The following GLT8D2 variants were observed in gnomAD, a reference collection of about 807,000 sequenced individuals.
GLT8D2 encodes glycosyltransferase 8 domain containing 2, also known as glycosyltransferase 8 domain-containing protein 2.
In GLT8D2, 45 loss-of-function variants were observed where a neutral mutation model predicts 44.5. The observed-to-expected ratio is 1.01, with a 90% confidence interval of 0.80 to 1.30. The LOEUF (loss-of-function observed/expected upper bound fraction) is 1.30, where lower values mean the gene tolerates loss of function less well. GLT8D2 is among the 50% of genes most tolerant of loss of function. The probability of loss-of-function intolerance (pLI) is 0.00; values close to 1 mark genes in which losing one functional copy is unlikely to be tolerated. For synonymous variants in GLT8D2, 156 were observed against 157.2 expected (o/e 0.99, Z 0.06); for missense variants, 400 against 430.4 (o/e 0.93, Z 0.62).
intron 1 of GLT8D2, among the ~76,000 whole-genome samples, chr12:104,057,183 T>G (rs1286787148): frequency 6.6e-6 from 1 of 152,182 alleles, no homozygotes; most frequent in East Asian, 1.9e-4. Flanking sequence ...GGGCAAAAAA[T>G]TCACATTAAA....
chr12:104,042,923 G>A (rs1354792477), intron 1 of GLT8D2, among the ~76,000 whole-genome samples: 3 of 152,212 alleles, frequency 2.0e-5, no homozygotes. Flanking sequence ...CAGAGATCTG[G>A]AACCAAGAGA....
intron 4 of GLT8D2, among the ~76,000 whole-genome samples, chr12:104,009,702 T>A (rs762238579): frequency 2.2e-4 from 33 of 152,208 alleles, no homozygotes; most frequent in African/African-American, 6.3e-4. Context: ...TACTCCCATA[T>A]TTCCCACATG....
At chr12:104,024,359 G>A (rs1377595068) in intron 1 of GLT8D2, among the ~76,000 whole-genome samples, 2 of 152,172 alleles carry the variant, frequency 1.3e-5, no homozygotes, top group Admixed American at 1.3e-4. Context: ...GTTTGAGCCT[G>A]GAGGTCGAGG....
chr12:104,047,013 G>C (rs931025634), intron 1 of GLT8D2, among the ~76,000 whole-genome samples: 17 of 151,902 alleles, frequency 1.1e-4, no homozygotes, highest in Middle Eastern at 6.4e-3. Flanking sequence ...TTTTTTTGTA[G>C]AGACAGAGTC....
intron 1 of GLT8D2, among the ~76,000 whole-genome samples, chr12:104,032,521 TAAAG>T (rs1475188191): frequency 1.6e-5 from 2 of 125,992 alleles, no homozygotes; most frequent in African/African-American, 6.5e-5. Context: ...GACATTTCTC[TAAAG>T]AAAGCACACA....
chr12:103,990,789 T>C (rs1872659102), intron 10 of GLT8D2, among the ~76,000 whole-genome samples: 1 of 152,184 alleles, frequency 6.6e-6, no homozygotes. Flanking sequence ...AAAGGAAATA[T>C]TCATTTGGGA....
At chr12:104,045,430 A>T (rs1290534296) in intron 1 of GLT8D2, among the ~76,000 whole-genome samples, 1 of 152,144 alleles carries the variant, frequency 6.6e-6, no homozygotes, top group African/African-American at 2.4e-5. Context: ...ACAGACAGAG[A>T]GGTGGAGCTG....
chr12:104,003,614 ACC>A (rs549546260), intron 4 of GLT8D2, among the ~76,000 whole-genome samples: 24 of 152,024 alleles, frequency 1.6e-4, no homozygotes, highest in African/African-American at 5.8e-4. Flanking sequence ...ATGCTCACTC[ACC>A]CCCTTGCCTT....
intron 4 of GLT8D2, among the ~76,000 whole-genome samples, chr12:104,007,744 C>G (rs1244905885): frequency 6.6e-6 from 1 of 152,132 alleles, no homozygotes; most frequent in Non-Finnish European, 1.5e-5. Flanking sequence ...GTGTCCTCAC[C>G]AAAATCTCAT....
rs1190042838 is a variant in GLT8D2, at chr12:104,016,758, AGAAAGAAAGAAAGAAAGAAGGAAG to A, written c.20-1677_20-1654del. Among the ~76,000 whole-genome samples, 882 of 99,612 alleles carry A rather than the reference AGAAAGAAAGAAAGAAAGAAGGAAG, an allele frequency of 8.9e-3. 15 individuals are homozygous for A. Among genetic ancestry groups the A allele is most frequent in the South Asian group, 0.023 (66 of 2,810 alleles). 65.3% of individuals were successfully genotyped at this position (99,612 alleles called of 152,430 possible). On this transcript the variant is annotated intron_variant, in intron 3 of 10. Transcript: ENST00000360814. The stretch of plus-strand genomic sequence containing the variant: ...AAGAAAGAAAGAAAGAAAGAAAGAA[AGAAAGAAAGAAAGAAAGAAGGAAG>A]GAAGGAAGGAAGGAAGGAAGGAAGG...
chr12:103,995,208 T>G (rs965727969), intron 8 of GLT8D2, among the ~76,000 whole-genome samples: 8 of 152,280 alleles, frequency 5.3e-5, no homozygotes, highest in African/African-American at 9.6e-5. Context: ...CCACTCTGTC[T>G]CTAGGTCACT....
upstream of GLT8D2, among the ~76,000 whole-genome samples, chr12:104,052,900 C>T (rs954261046): frequency 6.6e-6 from 1 of 152,074 alleles, no homozygotes; most frequent in Non-Finnish European, 1.5e-5. Flanking sequence ...GCAAGTTGTA[C>T]CTTATTTTAA....
chr12:104,025,792 T>C (rs947719803), intron 1 of GLT8D2, among the ~76,000 whole-genome samples: 1 of 152,210 alleles, frequency 6.6e-6, no homozygotes, highest in Non-Finnish European at 1.5e-5. Context: ...TAATATTTTG[T>C]TCCAATTTCA....
At chr12:104,015,444 T>A (rs987222926) in intron 3 of GLT8D2, among the ~76,000 whole-genome samples, 1 of 109,142 alleles carries the variant, frequency 9.2e-6, no homozygotes, top group Non-Finnish European at 2.1e-5. Context: ...ACAAATTAGC[T>A]GGGCGTGGTG....
At chr12:104,027,107 C>G (rs1878679498) in intron 1 of GLT8D2, among the ~76,000 whole-genome samples, 1 of 152,200 alleles carries the variant, frequency 6.6e-6, no homozygotes, top group Admixed American at 6.5e-5. Flanking sequence ...AAACAACCAG[C>G]TACAATGTTC....
intron 3 of GLT8D2, among the ~76,000 whole-genome samples, chr12:104,016,774 A>AGAAAGAAGGAAAGGAAGGAAG: frequency 1.7e-5 from 1 of 58,342 alleles, no homozygotes; most frequent in Non-Finnish European, 3.3e-5. Flanking sequence ...AAAGAAAGAA[A>AGAAAGAAGGAAAGGAAGGAAG]GAAGGAAGGA....
At chr12:104,038,370 T>C (rs550317145) in intron 1 of GLT8D2, among the ~76,000 whole-genome samples, 33 of 152,208 alleles carry the variant, frequency 2.2e-4, no homozygotes, top group Non-Finnish European at 4.6e-4. Flanking sequence ...TGTTTGCAGA[T>C]GACATGATTG....
intron 10 of GLT8D2, among the ~76,000 whole-genome samples, chr12:103,991,583 C>T (rs1872740896): frequency 6.6e-6 from 1 of 152,130 alleles, no homozygotes; most frequent in South Asian, 2.1e-4. Flanking sequence ...ACTGTTCCTA[C>T]ACATATTTAA....
chr12:104,003,076 G>C (rs1874459732), intron 5 of GLT8D2, 59 bp downstream of exon 5: 1 of 1,314,412 alleles, frequency 7.6e-7, no homozygotes, highest in East Asian at 2.5e-5. Flanking sequence ...GGGAGGGAGG[G>C]AGGGAAGGAG....
Sources: allele counts gnomAD v4.1 joint callset (sites outside exome capture counted in the v4.1 genomes callset), GRCh38; gene constraint gnomAD v4.1.1; transcripts MANE v1.5; gene names NCBI Gene and HGNC (gene_info 2026-07-23, HGNC 2026-07-21).